FLT3: variants seen among roughly 807,000 people sequenced by gnomAD.
The protein encoded by FLT3 is receptor-type tyrosine-protein kinase FLT3.
A neutral mutation model predicts 126.6 loss-of-function variants in FLT3; 46 were observed. The observed-to-expected ratio is 0.36, with a 90% CI of 0.29 to 0.46. The LOEUF (loss-of-function observed/expected upper bound fraction) is 0.46, where lower values mean the gene tolerates loss of function less well. FLT3 is among the 20% of genes least tolerant of loss of function. The pLI is 1.00. For synonymous variants in FLT3, 404 were observed against 434.4 expected (o/e 0.93, Z 0.87); for missense variants, 1,069 against 1,190.3 (o/e 0.90, Z 1.50).
chr13:28,067,833 A>C (rs1877166409), intron 2 of FLT3: 1 of 258,250 alleles, frequency 3.9e-6, no homozygotes, highest in Non-Finnish European at 7.8e-6. Context: ...ACCAACCAAC[A>C]AACAAACAAA....
chr13:28,091,414 G>A (rs1186250951), intron 1 of FLT3, among the ~76,000 whole-genome samples: 1 of 149,092 alleles, frequency 6.7e-6, no homozygotes, highest in East Asian at 2.0e-4. Flanking sequence ...GTAGAGACGG[G>A]GTTTCACCGT....
intron 15 of FLT3, among the ~76,000 whole-genome samples, chr13:28,029,881 A>T (rs1445688025): frequency 1.3e-5 from 2 of 152,244 alleles, no homozygotes; most frequent in African/African-American, 2.4e-5. Context: ...AAGCTGACTT[A>T]GAAGCACAGT....
intron 20 of FLT3, among the ~76,000 whole-genome samples, chr13:28,016,306 T>C (rs1329948526): frequency 6.6e-6 from 1 of 151,944 alleles, no homozygotes; most frequent in Non-Finnish European, 1.5e-5. Context: ...GTTTCGCTCT[T>C]GTTGCCCAGG....
intron 1 of FLT3, among the ~76,000 whole-genome samples, chr13:28,091,310 CT>C (rs1378280807): frequency 2.8e-5 from 4 of 145,376 alleles, no homozygotes; most frequent in African/African-American, 1.0e-4. Flanking sequence ...CAAGCTCCGC[CT>C]CCCGGGTTCA....
chr13:28,053,739 T>C (rs1041769024), intron 4 of FLT3, among the ~76,000 whole-genome samples: 9 of 149,176 alleles, frequency 6.0e-5, no homozygotes, highest in African/African-American at 1.5e-4. Flanking sequence ...AATTCATCCA[T>C]GGTTTTACAT....
At chr13:28,038,648 G>T (rs889881831) in intron 9 of FLT3, among the ~76,000 whole-genome samples, 1 of 151,930 alleles carries the variant, frequency 6.6e-6, no homozygotes, top group African/African-American at 2.4e-5. Flanking sequence ...AGAGACAGGG[G>T]TTCACCGTGT....
At chr13:28,062,183 C>A (rs1323798792) in intron 2 of FLT3, 114 bp from the exon 3 acceptor site, 7 of 717,348 alleles carry the variant, frequency 9.8e-6, no homozygotes, top group Non-Finnish European at 1.7e-5. Flanking sequence ...CACGCAACAC[C>A]CACACAAGCT....
intron 1 of FLT3, among the ~76,000 whole-genome samples, chr13:28,070,945 TTGTGTG>T (rs774618098): frequency 6.7e-6 from 1 of 149,802 alleles, no homozygotes; most frequent in Non-Finnish European, 1.5e-5. Flanking sequence ...TATACATGAT[TTGTGTG>T]TGTGTGTGTG....
At chr13:28,005,520 G>C (rs1870804219) in intron 23 of FLT3, among the ~76,000 whole-genome samples, 1 of 151,960 alleles carries the variant, frequency 6.6e-6, no homozygotes, top group East Asian at 1.9e-4. Context: ...ATTCACTAAG[G>C]ATGGCCACAT....
At chr13:28,049,558 G>T in intron 7 of FLT3, 21 bp from the exon 8 acceptor site, 1 of 1,612,556 alleles carries the variant, frequency 6.2e-7, no homozygotes, top group Non-Finnish European at 8.5e-7. Context: ...ATAAAACAGA[G>T]TTTGCATTTA....
At chr13:28,016,731 T>C (rs959610138) in intron 20 of FLT3, among the ~76,000 whole-genome samples, 1 of 152,238 alleles carries the variant, frequency 6.6e-6, no homozygotes, top group Non-Finnish European at 1.5e-5. Flanking sequence ...AAGAAATTAA[T>C]TGTGGTTCCA....
At chr13:28,014,724 G>T (rs1026899249) in intron 22 of FLT3, among the ~76,000 whole-genome samples, 167 bp from the exon 23 acceptor site, 5 of 152,182 alleles carry the variant, frequency 3.3e-5, no homozygotes, top group Admixed American at 3.3e-4. Flanking sequence ...TCCGAAAGGA[G>T]AAATCAGATG....
At chr13:28,027,316 C>T in intron 16 of FLT3, 75 bp from the exon 17 acceptor site, 1 of 1,250,362 alleles carries the variant, frequency 8.0e-7, no homozygotes, top group Non-Finnish European at 1.1e-6. Context: ...TAGCAGACAA[C>T]ATACTCTTAG....
intron 1 of FLT3, among the ~76,000 whole-genome samples, chr13:28,099,889 A>G (rs7998462): frequency 0.16 from 23,889 of 152,212 alleles, 2,057 homozygotes; most frequent in Middle Eastern, 0.26. Context: ...TTTCCTAGGT[A>G]AACTATTCGT....
At chr13:28,036,483 C>T (rs1481284589) in intron 10 of FLT3, among the ~76,000 whole-genome samples, 1 of 152,152 alleles carries the variant, frequency 6.6e-6, no homozygotes, top group East Asian at 1.9e-4. Context: ...TGATTCTTAG[C>T]TTCAGGAGAA....
chr13:28,063,005 C>T (rs945799145), intron 2 of FLT3, among the ~76,000 whole-genome samples: 43 of 151,700 alleles, frequency 2.8e-4, no homozygotes, highest in African/African-American at 7.8e-4. Context: ...CTAATCAGAC[C>T]GTAATTATAA....
intron 16 of FLT3, 80 bp from the exon 17 acceptor site, chr13:28,027,321 T>C (rs1872900008): frequency 8.7e-7 from 1 of 1,147,594 alleles, no homozygotes; most frequent in Admixed American, 2.3e-5. Flanking sequence ...GACAACATAC[T>C]CTTAGGAGGG....
At chr13:28,048,641 GAAGTT>G (rs1566082098) in intron 8 of FLT3, among the ~76,000 whole-genome samples, 198 bp from the exon 9 acceptor site, 1 of 152,014 alleles carries the variant, frequency 6.6e-6, no homozygotes, top group African/African-American at 2.4e-5. Flanking sequence ...ATCATCTTTC[GAAGTT>G]AAGAAATGTT....
intron 23 of FLT3, among the ~76,000 whole-genome samples, chr13:28,005,932 G>T (rs761055222): frequency 2.6e-5 from 4 of 151,904 alleles, no homozygotes; most frequent in Non-Finnish European, 4.4e-5. Flanking sequence ...ATTTTGAATA[G>T]CCTGCCTATT....
Sources: allele counts gnomAD v4.1 joint callset (sites outside exome capture counted in the v4.1 genomes callset), GRCh38; gene constraint gnomAD v4.1.1; transcripts MANE v1.5; gene names NCBI Gene and HGNC (gene_info 2026-07-23, HGNC 2026-07-21).